Variants in SMARCA2 observed in about 807,000 individuals in gnomAD.
SMARCA2 encodes SWI/SNF-related matrix-associated actin-dependent regulator of chromatin subfamily A member 2.
Under a neutral mutation model 199.8 loss-of-function variants are expected in SMARCA2, and 61 were observed. The observed-to-expected ratio is 0.31, with a 90% CI of 0.25 to 0.38. The LOEUF is 0.38. Ranked by LOEUF, SMARCA2 falls within the 10% of genes least tolerant of loss-of-function variation. SMARCA2 has a pLI of 1.00. For synonymous variants in SMARCA2, 935 were observed against 732.0 expected (o/e 1.28, Z -4.48); for missense variants, 1,344 against 2,012.2 (o/e 0.67, Z 6.35).
intron 28 of SMARCA2, among the ~76,000 whole-genome samples, chr9:2,165,335 A>G (rs1371430380): frequency 6.6e-6 from 1 of 152,192 alleles, no homozygotes; most frequent in Non-Finnish European, 1.5e-5. Context: ...GTATCTTGAT[A>G]TTTTCATAAA....
intron 9 of SMARCA2, chr9:2,069,203 A>G (rs890242004): frequency 6.6e-6 from 1 of 151,762 alleles, no homozygotes; most frequent in African/African-American, 2.4e-5. Flanking sequence ...GGCCTGAGCC[A>G]CCGCACCCGG....
intron 1 of SMARCA2, among the ~76,000 whole-genome samples, chr9:2,021,659 T>C (rs1218769936): frequency 2.0e-5 from 3 of 152,246 alleles, no homozygotes. Context: ...GCTGTTGTGC[T>C]ATACTAAAAG....
chr9:2,051,387 A>AC (rs1436180602), intron 5 of SMARCA2, among the ~76,000 whole-genome samples: 2 of 151,410 alleles, frequency 1.3e-5, no homozygotes, highest in Non-Finnish European at 2.9e-5. Flanking sequence ...GGAGAGGTGC[A>AC]CCCCCCTCGC....
chr9:2,026,326 A>G (rs566988308), intron 1 of SMARCA2, among the ~76,000 whole-genome samples: 2 of 152,200 alleles, frequency 1.3e-5, no homozygotes, highest in South Asian at 2.1e-4. Flanking sequence ...ATAGTTTCCT[A>G]TATAACACGT....
chr9:2,187,685 A>T (rs1052731355), intron 32 of SMARCA2, among the ~76,000 whole-genome samples: 12 of 151,932 alleles, frequency 7.9e-5, no homozygotes, highest in East Asian at 1.9e-4. Flanking sequence ...TAAAAAAAAA[A>T]TTTTAAATAT....
At chr9:2,060,765 T>C (rs762652295) in intron 8 of SMARCA2, 51 bp from the exon 9 acceptor site, 1 of 1,557,160 alleles carries the variant, frequency 6.4e-7, no homozygotes, top group Non-Finnish European at 8.8e-7. Context: ...GAGAGTGGAG[T>C]TGTCTGCACG....
At chr9:2,032,589 T>G (rs1429721897) in intron 2 of SMARCA2, 1 of 163,396 alleles carries the variant, frequency 6.1e-6, no homozygotes, top group East Asian at 1.9e-4. Flanking sequence ...ACAGCCTTCC[T>G]TCAGACTTCA....
intron 22 of SMARCA2, 78 bp downstream of exon 22, chr9:2,101,694 C>A: frequency 1.4e-6 from 1 of 723,124 alleles, no homozygotes; most frequent in Non-Finnish European, 2.4e-6. Flanking sequence ...ACAGTGTTTC[C>A]TCTTGTGCAA....
intron 14 of SMARCA2, among the ~76,000 whole-genome samples, chr9:2,081,488 C>G: frequency 6.6e-6 from 1 of 152,144 alleles, no homozygotes; most frequent in East Asian, 1.9e-4. Flanking sequence ...TTCACATTGG[C>G]TTTTTATTCT....
intron 10 of SMARCA2, among the ~76,000 whole-genome samples, chr9:2,071,127 A>AT (rs978629956): frequency 6.6e-6 from 1 of 152,168 alleles, no homozygotes; most frequent in African/African-American, 2.4e-5. Flanking sequence ...AATTATCTTC[A>AT]TTTTGTCTCA....
intron 27 of SMARCA2, among the ~76,000 whole-genome samples, chr9:2,135,784 C>T (rs1461316543): frequency 1.3e-5 from 2 of 152,110 alleles, no homozygotes; most frequent in East Asian, 3.8e-4. Flanking sequence ...CTCAGGTGAT[C>T]TGCCTGCCTT....
intron 5 of SMARCA2, among the ~76,000 whole-genome samples, chr9:2,054,211 C>G (rs1820248917): frequency 6.6e-6 from 1 of 152,224 alleles, no homozygotes; most frequent in Admixed American, 6.5e-5. Flanking sequence ...AGAAAAAAGT[C>G]TGTGCTCTCA....
At position 2,039,534 on chromosome 9, in the gene SMARCA2, G is replaced by A. The variant is rs1282273683; in HGVS notation, c.424G>A (p.Gly142Ser). ...EHVSSPMSGGGPTPPQMPPSQ... is the reference protein window; with the variant it reads ...EHVSSPMSGGSPTPPQMPPSQ... The stretch of plus-strand genomic sequence containing the variant: ...CGTCTCCAGCCCTATGTCTGGAGGA[G>A]GCCCAACTCCACCTCAGATGCCACC... The change falls in exon 4 of 34, where the codon GGC (glycine) becomes AGC (serine). Residue 142 changes from glycine (G) to serine (S), a missense_variant. Physicochemically the swap from Gly to Ser is moderately conservative, Grantham distance 56. Coordinates refer to ENST00000349721, the MANE Select transcript of SMARCA2 (RefSeq NM_003070.5). The surrounding 1 kb of genome is among the most constrained non-coding windows in gnomAD (Gnocchi z 4.8). 1 of 1,614,084 alleles carries A rather than the reference G, an allele frequency of 6.2e-7. No individual in the cohort carries two copies. Among genetic ancestry groups the A allele is most frequent in the Non-Finnish European group, 8.5e-7 (1 of 1,180,024 alleles).
intron 27 of SMARCA2, among the ~76,000 whole-genome samples, chr9:2,147,598 C>A (rs1459120457): frequency 6.6e-6 from 1 of 152,112 alleles, no homozygotes; most frequent in African/African-American, 2.4e-5. Context: ...GTAATCCTAG[C>A]ACTTTGGGAG....
chr9:2,137,296 G>C (rs1824240182), intron 27 of SMARCA2, among the ~76,000 whole-genome samples: 1 of 152,122 alleles, frequency 6.6e-6, no homozygotes, highest in African/African-American at 2.4e-5. Flanking sequence ...ACCAAAAATC[G>C]GCCCTGATGA....
intron 19 of SMARCA2, 91 bp downstream of exon 19, chr9:2,088,704 G>A: frequency 1.2e-6 from 1 of 868,222 alleles, no homozygotes; most frequent in Non-Finnish European, 1.9e-6. Flanking sequence ...TTCTGAAACA[G>A]CAGACTCATA....
intron 27 of SMARCA2, among the ~76,000 whole-genome samples, chr9:2,135,555 C>T (rs1047884053): frequency 1.3e-5 from 2 of 152,156 alleles, no homozygotes; most frequent in African/African-American, 4.8e-5. Context: ...ATCTATCTAA[C>T]AGTAACCTCT....
chr9:2,090,753 C>CA (rs567796821), intron 19 of SMARCA2, among the ~76,000 whole-genome samples: 40 of 152,138 alleles, frequency 2.6e-4, no homozygotes, highest in Admixed American at 4.6e-4. Context: ...GTAGCCCCCC[C>CA]ACATCTCTCT....
intron 21 of SMARCA2, among the ~76,000 whole-genome samples, chr9:2,099,715 G>C (rs1189852318): frequency 2.0e-5 from 3 of 152,142 alleles, no homozygotes; most frequent in Admixed American, 1.3e-4. Flanking sequence ...ATTTGCCTTT[G>C]TTGTGTTTCG....
Sources: allele counts gnomAD v4.1 joint callset (sites outside exome capture counted in the v4.1 genomes callset), GRCh38; gene constraint gnomAD v4.1.1; non-coding constraint Gnocchi (gnomAD v3.1); transcripts MANE v1.5; gene names NCBI Gene and HGNC (gene_info 2026-07-23, HGNC 2026-07-21).